FAM193A: variants seen among roughly 807,000 people sequenced by gnomAD.
The protein encoded by FAM193A is family with sequence similarity 193 member A, also known as protein FAM193A.
A neutral mutation model predicts 126.5 loss-of-function variants in FAM193A; 22 were observed. The observed-to-expected ratio is 0.17, with a 90% CI of 0.12 to 0.25. The LOEUF (loss-of-function observed/expected upper bound fraction) is 0.25, where lower values mean the gene tolerates loss of function less well. Ranked by LOEUF, FAM193A falls within the 10% of genes least tolerant of loss-of-function variation. The pLI is 1.00. For synonymous variants in FAM193A, 761 were observed against 646.8 expected (o/e 1.18, Z -2.68); for missense variants, 1,675 against 1,672.8 (o/e 1.00, Z -0.02).
chr4:2,728,896 CTTTTTTTTTTTTT>C (rs34029424), intron 20 of FAM193A, among the ~76,000 whole-genome samples: 2 of 97,146 alleles, frequency 2.1e-5, no homozygotes, highest in South Asian at 2.8e-4. Flanking sequence ...ACCTCCAAAA[CTTTTTTTTTTTTT>C]TTTTTTTTTT....
intron 1 of FAM193A, among the ~76,000 whole-genome samples, chr4:2,583,293 G>A (rs1463221906): frequency 6.6e-6 from 1 of 152,202 alleles, no homozygotes; most frequent in Non-Finnish European, 1.5e-5. Context: ...TTTTAGACAT[G>A]TCTGGTAACC....
At chr4:2,647,532 G>A (rs1745272251) in intron 7 of FAM193A, among the ~76,000 whole-genome samples, 1 of 152,128 alleles carries the variant, frequency 6.6e-6, no homozygotes, top group South Asian at 2.1e-4. Context: ...AGTCTAGAAG[G>A]GAGTGCAGAC....
At chr4:2,662,197 A>G (rs1258894764) in intron 10 of FAM193A, among the ~76,000 whole-genome samples, 1 of 152,156 alleles carries the variant, frequency 6.6e-6, no homozygotes, top group African/African-American at 2.4e-5. Context: ...AAATAATAAA[A>G]TAAAATAAAA....
intron 6 of FAM193A, among the ~76,000 whole-genome samples, chr4:2,643,622 C>G (rs896934803): frequency 6.6e-6 from 1 of 152,118 alleles, no homozygotes; most frequent in Non-Finnish European, 1.5e-5. Context: ...GGGCAGTTTC[C>G]TTCCCTTGAC....
At chr4:2,674,060 A>C (rs1714125766) in intron 13 of FAM193A, among the ~76,000 whole-genome samples, 1 of 152,256 alleles carries the variant, frequency 6.6e-6, no homozygotes, top group South Asian at 2.1e-4. Context: ...AGAAACTTAG[A>C]AATTTATAAC....
chr4:2,571,177 T>C (rs888257573), intron 1 of FAM193A, among the ~76,000 whole-genome samples: 31 of 152,218 alleles, frequency 2.0e-4, no homozygotes, highest in Non-Finnish European at 3.1e-4. Context: ...TGTTGCTTTG[T>C]CTTTAGTTCA....
intron 19 of FAM193A, among the ~76,000 whole-genome samples, chr4:2,701,604 G>T (rs1717739358): frequency 1.3e-5 from 2 of 152,118 alleles, no homozygotes; most frequent in South Asian, 2.1e-4. Context: ...CTGATCCTGG[G>T]TTGAGCTGGT....
intron 5 of FAM193A, 61 bp downstream of exon 5, chr4:2,631,230 G>C: frequency 1.3e-6 from 2 of 1,501,560 alleles, no homozygotes; most frequent in Non-Finnish European, 1.8e-6. Context: ...CATGTGGCAA[G>C]AGGAAGCTTC....
At chr4:2,555,545 A>G (rs1246065087) in intron 1 of FAM193A, among the ~76,000 whole-genome samples, 1 of 152,234 alleles carries the variant, frequency 6.6e-6, no homozygotes, top group African/African-American at 2.4e-5. Context: ...TTGGGAGGCC[A>G]AGGCAGGAGG....
chr4:2,645,350 A>G (rs572751082), intron 6 of FAM193A, among the ~76,000 whole-genome samples: 1 of 152,168 alleles, frequency 6.6e-6, no homozygotes, highest in South Asian at 2.1e-4. Flanking sequence ...GTGTCTCCAC[A>G]CCACTCCCCG....
intron 18 of FAM193A, among the ~76,000 whole-genome samples, chr4:2,696,885 G>T (rs1387397468): frequency 2.6e-5 from 4 of 152,204 alleles, no homozygotes; most frequent in African/African-American, 9.7e-5. Context: ...TTATCTGCTG[G>T]AGAACCTTCT....
rs149717654 is a variant in FAM193A, at chr4:2,619,025, T to C, written c.502-6237T>C. On this transcript the variant is annotated intron_variant, in intron 2 of 20. Transcript: ENST00000637812. The stretch of plus-strand genomic sequence containing the variant: ...GGGATTATAGGCGTGAGCCATCGCG[T>C]CTGGGCTGGATTATTTTTATTGCCT... Among the ~76,000 whole-genome samples the C allele has an allele frequency of 4.0e-3, 616 of 152,150 alleles. 4 individuals are homozygous for C. Among genetic ancestry groups the C allele is most frequent in the African/African-American group, 0.014 (597 of 41,534 alleles).
chr4:2,661,529 C>T (rs1712443606), intron 10 of FAM193A, among the ~76,000 whole-genome samples: 2 of 152,194 alleles, frequency 1.3e-5, no homozygotes, highest in Admixed American at 1.3e-4. Flanking sequence ...TTGGCCCAGG[C>T]AGCGTCCCAG....
At chr4:2,636,659 G>A (rs1744121287) in intron 5 of FAM193A, among the ~76,000 whole-genome samples, 1 of 152,168 alleles carries the variant, frequency 6.6e-6, no homozygotes, top group South Asian at 2.1e-4. Context: ...GTTTATATCA[G>A]CACTGATCTC....
chr4:2,710,182 T>G (rs1410120690), intron 19 of FAM193A, among the ~76,000 whole-genome samples: 2 of 135,530 alleles, frequency 1.5e-5, no homozygotes, highest in African/African-American at 2.9e-5. Context: ...TTTTTCTTTT[T>G]TTTTTTTTTT....
intron 20 of FAM193A, among the ~76,000 whole-genome samples, chr4:2,728,581 C>T (rs917642816): frequency 3.3e-5 from 5 of 151,968 alleles, no homozygotes; most frequent in Non-Finnish European, 5.9e-5. Flanking sequence ...TTGAGAGGGG[C>T]CTGGGGCTGA....
chr4:2,616,857 C>T (rs1393656757), intron 2 of FAM193A, among the ~76,000 whole-genome samples: 2 of 150,130 alleles, frequency 1.3e-5, no homozygotes, highest in Admixed American at 6.6e-5. Context: ...TGAGCCACCA[C>T]GCCTGCCCAG....
chr4:2,723,738 G>A (rs577247968), intron 20 of FAM193A, among the ~76,000 whole-genome samples: 3 of 152,252 alleles, frequency 2.0e-5, no homozygotes, highest in Middle Eastern at 3.4e-3. Flanking sequence ...GTTTCAAAAA[G>A]CAAAAACCTT....
At chr4:2,609,739 C>T (rs895018680) in intron 2 of FAM193A, among the ~76,000 whole-genome samples, 11 of 152,016 alleles carry the variant, frequency 7.2e-5, no homozygotes, top group Admixed American at 5.9e-4. Flanking sequence ...ACCATCCTGG[C>T]TAACACGGTG....
Sources: allele counts gnomAD v4.1 joint callset (sites outside exome capture counted in the v4.1 genomes callset), GRCh38; gene constraint gnomAD v4.1.1; transcripts MANE v1.5; gene names NCBI Gene and HGNC (gene_info 2026-07-23, HGNC 2026-07-21).